Variants in GPC5 observed in about 807,000 individuals in gnomAD.
The protein encoded by GPC5 is glypican-5.
GPC5 carries 47 observed loss-of-function variants against 53.9 expected under a neutral mutation model. That is an observed-to-expected ratio of 0.87 (90% CI 0.69 to 1.11). The LOEUF (loss-of-function observed/expected upper bound fraction) is 1.11. Among genes scored for constraint, GPC5 ranks in the 50% most tolerant of loss-of-function variants. The probability of loss-of-function intolerance (pLI) is 0.00; values close to 1 mark genes in which losing one functional copy is unlikely to be tolerated. For synonymous variants in GPC5, 286 were observed against 263.3 expected (o/e 1.09, Z -0.84); for missense variants, 748 against 713.1 (o/e 1.05, Z -0.56).
intron 2 of GPC5, among the ~76,000 whole-genome samples, chr13:91,595,416 CTTTAA>C (rs1484504693): frequency 6.6e-6 from 1 of 152,150 alleles, no homozygotes; most frequent in African/African-American, 2.4e-5. Context: ...TCTAATACTA[CTTTAA>C]TTTTTGTTCA....
At position 92,866,405 on chromosome 13, in the gene GPC5, T is replaced by TA; in HGVS notation, c.1687dup (p.Ser563LysfsTer22). The TA allele has an allele frequency of 6.2e-7, 1 of 1,610,896 alleles. No homozygotes were observed. Among genetic ancestry groups the TA allele is most frequent in the Non-Finnish European group, 8.5e-7 (1 of 1,178,030 alleles). ...ACTGAATCTATGACATTCACTCTGA[T>TA]AAGTGTGGTGATGTTACTTCCCGGG... On this transcript the variant is annotated frameshift_variant, in exon 8 of 8. Transcript: ENST00000377067. LOFTEE classifies it high-confidence loss of function.
chr13:91,700,365 G>T (rs1319932624), intron 3 of GPC5, among the ~76,000 whole-genome samples: 1 of 152,182 alleles, frequency 6.6e-6, no homozygotes, highest in African/African-American at 2.4e-5. Context: ...GTTAAATATT[G>T]TGGTGTGAGT....
At chr13:91,603,899 A>G (rs931785677) in intron 2 of GPC5, among the ~76,000 whole-genome samples, 1 of 149,324 alleles carries the variant, frequency 6.7e-6, no homozygotes, top group Non-Finnish European at 1.5e-5. Context: ...CCATTCATCA[A>G]TTACCCTCTC....
intron 7 of GPC5, among the ~76,000 whole-genome samples, chr13:92,368,089 A>C (rs188677854): frequency 5.3e-5 from 8 of 152,010 alleles, no homozygotes. Context: ...GATTGAAGCG[A>C]TTCTTCTGCC....
At chr13:92,255,542 A>C (rs1477845262) in intron 7 of GPC5, among the ~76,000 whole-genome samples, 1 of 152,160 alleles carries the variant, frequency 6.6e-6, no homozygotes, top group Non-Finnish European at 1.5e-5. Flanking sequence ...TTAACATTTA[A>C]AAATATAAAC....
intron 7 of GPC5, among the ~76,000 whole-genome samples, chr13:92,201,086 G>A (rs1412130647): frequency 6.6e-6 from 1 of 151,858 alleles, no homozygotes; most frequent in African/African-American, 2.4e-5. Context: ...TATACTGAAC[G>A]TCATCATCTC....
chr13:92,505,393 A>C (rs1880331901), intron 7 of GPC5, among the ~76,000 whole-genome samples: 1 of 152,064 alleles, frequency 6.6e-6, no homozygotes, highest in Non-Finnish European at 1.5e-5. Context: ...GGAAAAAGTC[A>C]ATGAAAATCA....
At chr13:91,842,704 CAAAAAAAAAAAAA>C (rs58660493) in intron 5 of GPC5, among the ~76,000 whole-genome samples, 2 of 58,848 alleles carry the variant, frequency 3.4e-5, no homozygotes, top group Admixed American at 2.7e-4. Flanking sequence ...GACTCCGTCT[CAAAAAAAAAAAAA>C]AAAAAAAAAA....
chr13:91,565,965 G>A (rs965409528), intron 2 of GPC5, among the ~76,000 whole-genome samples: 6 of 152,100 alleles, frequency 3.9e-5, no homozygotes, highest in African/African-American at 1.4e-4. Context: ...TTGTGCTGCT[G>A]TCTTCAAATT....
intron 1 of GPC5, among the ~76,000 whole-genome samples, chr13:91,438,579 G>C (rs1339747848): frequency 6.6e-6 from 1 of 152,206 alleles, no homozygotes; most frequent in Non-Finnish European, 1.5e-5. Context: ...CTACTGGGTG[G>C]TGCCTCCCAG....
intron 7 of GPC5, among the ~76,000 whole-genome samples, chr13:92,368,634 TAAAAAAAAAA>T (rs34793615): frequency 4.5e-5 from 3 of 66,326 alleles, no homozygotes; most frequent in Non-Finnish European, 5.3e-5. Flanking sequence ...AAGACTGTCT[TAAAAAAAAAA>T]AAAAAAAAAA....
intron 5 of GPC5, among the ~76,000 whole-genome samples, chr13:91,762,963 C>A (rs1049347917): frequency 5.3e-5 from 8 of 152,130 alleles, no homozygotes; most frequent in Non-Finnish European, 1.2e-4. Context: ...ATATGTCACA[C>A]ATCTTCTTTA....
intron 6 of GPC5, among the ~76,000 whole-genome samples, chr13:92,030,170 A>T (rs1184165747): frequency 3.3e-4 from 50 of 152,204 alleles, no homozygotes; most frequent in Admixed American, 3.3e-3. Flanking sequence ...ATGTTTTGAA[A>T]AACCTCACTA....
chr13:92,641,447 G>T (rs577187969), intron 7 of GPC5, among the ~76,000 whole-genome samples: 1 of 152,138 alleles, frequency 6.6e-6, no homozygotes, highest in African/African-American at 2.4e-5. Flanking sequence ...TAAAGAAGGT[G>T]AAAGAGATAT....
intron 7 of GPC5, among the ~76,000 whole-genome samples, chr13:92,670,690 A>G (rs769206272): frequency 2.0e-5 from 3 of 152,162 alleles, no homozygotes; most frequent in Non-Finnish European, 4.4e-5. Flanking sequence ...GAATTTTTTT[A>G]AAGTCTGCCC....
At chr13:92,026,186 A>G (rs1158103190) in intron 6 of GPC5, among the ~76,000 whole-genome samples, 2 of 152,104 alleles carry the variant, frequency 1.3e-5, no homozygotes, top group Non-Finnish European at 2.9e-5. Flanking sequence ...AGTGGTACAT[A>G]TTATTGTGGG....
chr13:92,539,657 C>G (rs913934528), intron 7 of GPC5, among the ~76,000 whole-genome samples: 1 of 151,726 alleles, frequency 6.6e-6, no homozygotes, highest in Non-Finnish European at 1.5e-5. Flanking sequence ...CTTTCTGTCT[C>G]TCTTTCTTTC....
At chr13:92,692,850 T>C (rs1887453132) in intron 7 of GPC5, among the ~76,000 whole-genome samples, 1 of 150,648 alleles carries the variant, frequency 6.6e-6, no homozygotes, top group Non-Finnish European at 1.5e-5. Flanking sequence ...TTTTGCTGAT[T>C]AGTGATTATA....
chr13:91,697,764 C>T (rs897205452), intron 3 of GPC5, among the ~76,000 whole-genome samples: 1 of 152,054 alleles, frequency 6.6e-6, no homozygotes, highest in Admixed American at 6.5e-5. Context: ...TATAATTTGA[C>T]ACTTTAACTT....
Sources: gnomAD v4.1 joint callset for allele counts (sites outside exome capture counted in the v4.1 genomes callset) on GRCh38, gnomAD v4.1.1 for gene constraint, MANE v1.5 for transcripts, NCBI Gene and HGNC (gene_info 2026-07-23, HGNC 2026-07-21) for gene names.